BANP: variants seen among roughly 807,000 people sequenced by gnomAD.
The protein encoded by BANP is BTG3 associated nuclear protein.
A neutral mutation model predicts 68.1 loss-of-function variants in BANP; 11 were observed. The ratio of observed to expected loss-of-function variants is 0.16; its 90% CI spans 0.10 to 0.27. BANP has a LOEUF of 0.27. Ranked by LOEUF, BANP falls within the 10% of genes least tolerant of loss-of-function variation. BANP has a pLI of 1.00. For synonymous variants in BANP, 329 were observed against 303.2 expected, an observed-to-expected ratio of 1.09 and a Z score of -0.88; for missense variants, 504 against 722.7, an observed-to-expected ratio of 0.70 and a Z score of 3.47.
At chr16:87,988,099 A>G (rs921551092) in intron 4 of BANP, among the ~76,000 whole-genome samples, 1 of 152,172 alleles carries the variant, frequency 6.6e-6, no homozygotes, top group Non-Finnish European at 1.5e-5. Flanking sequence ...ATGTCAATGA[A>G]AAAAAGTATG....
intron 1 of BANP, among the ~76,000 whole-genome samples, chr16:87,954,159 G>T (rs1338898340): frequency 6.6e-6 from 1 of 152,090 alleles, no homozygotes; most frequent in South Asian, 2.1e-4. Context: ...TGGAGCCCTG[G>T]AGTTGCGTCT....
intron 7 of BANP, 28 bp from the exon 8 acceptor site, chr16:88,027,455 C>T (rs1292072671): frequency 1.9e-6 from 3 of 1,612,130 alleles, no homozygotes; most frequent in South Asian, 1.1e-5. Flanking sequence ...ACAGGCCTCA[C>T]CGCTTCTCCT....
intron 2 of BANP, 84 bp downstream of exon 2, chr16:87,975,269 T>G: frequency 2.1e-6 from 3 of 1,408,348 alleles, no homozygotes; most frequent in Middle Eastern, 3.6e-4. Flanking sequence ...TTTCTTTCCT[T>G]TAAGCAGAAG....
chr16:87,973,543 C>T (rs1472260159), intron 1 of BANP, among the ~76,000 whole-genome samples: 3 of 152,052 alleles, frequency 2.0e-5, no homozygotes, highest in African/African-American at 7.2e-5. Flanking sequence ...TGCGGATCAC[C>T]TGAGGTCGGG....
At position 88,036,777 on chromosome 16, in the gene BANP, G is replaced by C. The variant is rs1158683961; in HGVS notation, c.1273-1196G>C. On this transcript the variant is annotated intron_variant, in intron 10 of 13. Coordinates refer to ENST00000682872, the MANE Select transcript of BANP (RefSeq NM_001386991.1). This position sits in a 1 kb window ranked among gnomAD's most constrained non-coding sequence, Gnocchi z 4.2. ...GAAGCAGCAGGGCGGGGAGCAGGTAGGGGACGGTCCCAGGAGGCCAGAGTG... is the reference window on the plus strand; with the variant it reads ...GAAGCAGCAGGGCGGGGAGCAGGTACGGGACGGTCCCAGGAGGCCAGAGTG... 1.3e-5 allele frequency among the ~76,000 whole-genome samples: 2 copies of C among 152,194 alleles called. No individual in the cohort carries two copies. Among genetic ancestry groups the C allele is most frequent in the African/African-American group, 4.8e-5 (2 of 41,444 alleles).
intron 1 of BANP, among the ~76,000 whole-genome samples, chr16:87,971,956 T>G (rs2061207984): frequency 6.6e-6 from 1 of 152,100 alleles, no homozygotes; most frequent in Non-Finnish European, 1.5e-5. Flanking sequence ...CTGTACCCAG[T>G]TAATTTAAAA....
chr16:88,004,265 C>G lies in BANP; in HGVS notation c.363-30C>G. 7.3e-7 allele frequency: 1 copy of G among 1,362,692 alleles called. No homozygotes were observed. 84.4% of individuals were successfully genotyped at this position (1,362,692 alleles called of 1,614,324 possible). ...ATGAATGTTGTTGTTTTAAGGCCTT[C>G]TTTTTCTTTGTGATTCTTTTGTTCC... is the stretch of plus-strand genomic sequence containing the variant. On this transcript the variant is annotated intron_variant, in intron 4 of 13. Coordinates refer to ENST00000682872, the MANE Select transcript of BANP (RefSeq NM_001386991.1). This position sits in a 1 kb window ranked among gnomAD's most constrained non-coding sequence, Gnocchi z 7.0.
chr16:88,055,532 CTT>C (rs902868511), intron 11 of BANP, among the ~76,000 whole-genome samples: 16 of 152,150 alleles, frequency 1.1e-4, no homozygotes, highest in African/African-American at 2.9e-4. Context: ...GCTTCAGAAT[CTT>C]TTTCCATGAA....
chr16:88,061,130 A>G (rs1283127556), intron 11 of BANP, among the ~76,000 whole-genome samples: 1 of 152,074 alleles, frequency 6.6e-6, no homozygotes, highest in African/African-American at 2.4e-5. Flanking sequence ...GCTGTGCTTG[A>G]TTGAGGTTCA....
intron 12 of BANP, among the ~76,000 whole-genome samples, chr16:88,066,486 G>A (rs902449603): frequency 2.0e-5 from 3 of 152,194 alleles, no homozygotes; most frequent in African/African-American, 7.2e-5. Context: ...AAGGAACCCA[G>A]CTTCGACTCG....
chr16:87,985,910 CTG>C (rs2064297381), intron 4 of BANP, among the ~76,000 whole-genome samples: 1 of 152,208 alleles, frequency 6.6e-6, no homozygotes, highest in Non-Finnish European at 1.5e-5. Context: ...CATAGTAAGA[CTG>C]TGCAAAAATG....
At chr16:87,973,730 G>A (rs565110684) in intron 1 of BANP, among the ~76,000 whole-genome samples, 1 of 128,354 alleles carries the variant, frequency 7.8e-6, no homozygotes, top group Admixed American at 9.4e-5. Flanking sequence ...TCCAGCCTGG[G>A]CAACAGGAGC....
At position 88,071,979 on chromosome 16, in the gene BANP, G is replaced by T. The variant is rs1454740981; in HGVS notation, c.1378-90G>T. ...GCCGCTCAGGGGACAGCACGTGTGG[G>T]CTGGGGTCTGCGGTCTGTGGAGCCA... is the stretch of plus-strand genomic sequence containing the variant. On this transcript the variant is annotated intron_variant, in intron 12 of 13. Coordinates refer to ENST00000682872, the MANE Select transcript of BANP (RefSeq NM_001386991.1). This position sits in a 1 kb window ranked among gnomAD's most constrained non-coding sequence, Gnocchi z 6.5. 17 of 1,507,812 alleles carry T rather than the reference G, an allele frequency of 1.1e-5. No individual in the cohort carries two copies. Among genetic ancestry groups the T allele is most frequent in the Non-Finnish European group, 1.3e-5 (15 of 1,122,724 alleles). The allele number at this position is 1,507,812 out of a possible 1,614,324, so 93.4% of individuals were successfully genotyped here. A position where few individuals can be genotyped will look rare whatever the true frequency, so the allele number is the denominator to read the frequency against.
At chr16:88,034,596 C>T (rs376769959) in intron 9 of BANP, among the ~76,000 whole-genome samples, 104 of 24,714 alleles carry the variant, frequency 4.2e-3, no homozygotes, top group African/African-American at 0.013. Context: ...AGCTCCCCTG[C>T]TTCAGCCACA....
At chr16:87,993,857 TC>T (rs1445390359) in intron 4 of BANP, among the ~76,000 whole-genome samples, 2 of 152,182 alleles carry the variant, frequency 1.3e-5, no homozygotes, top group African/African-American at 2.4e-5. Flanking sequence ...TGCCTTGGCC[TC>T]CCAAAGTGCT....
At position 88,036,950 on chromosome 16, in the gene BANP, A is replaced by C. The variant is rs1402868168; in HGVS notation, c.1273-1023A>C. 6.6e-6 allele frequency among the ~76,000 whole-genome samples: 1 copy of C among 152,190 alleles called. No homozygotes were observed. The highest frequency in any genetic ancestry group is 2.4e-5 in the African/African-American group (1 of 41,444). ...GAGTGGCTGCGAGGTGCAGGATCCC[A>C]GCAGCACCTTCCAGTGCAGGAGCTG... On this transcript the variant is annotated intron_variant, in intron 10 of 13. Transcript: ENST00000682872. This position sits in a 1 kb window ranked among gnomAD's most constrained non-coding sequence, Gnocchi z 4.2.
At chr16:87,954,955 G>C (rs183184915) in intron 1 of BANP, among the ~76,000 whole-genome samples, 7 of 152,208 alleles carry the variant, frequency 4.6e-5, no homozygotes, top group Non-Finnish European at 1.0e-4. Flanking sequence ...CCAAGCCGCC[G>C]TTCCACAGCC....
At chr16:87,989,081 A>T (rs924047516) in intron 4 of BANP, among the ~76,000 whole-genome samples, 1 of 152,230 alleles carries the variant, frequency 6.6e-6, no homozygotes, top group African/African-American at 2.4e-5. Context: ...CCTGAATGAG[A>T]TTCTTTAAAT....
At chr16:88,073,691 G>T (rs553619239) in intron 13 of BANP, among the ~76,000 whole-genome samples, 3 of 152,200 alleles carry the variant, frequency 2.0e-5, no homozygotes, top group African/African-American at 7.2e-5. Context: ...CCCCCGTGCC[G>T]TTCCAGATAG....
Sources: gnomAD v4.1 joint callset for allele counts (sites outside exome capture counted in the v4.1 genomes callset) on GRCh38, gnomAD v4.1.1 for gene constraint, Gnocchi (gnomAD v3.1) non-coding constraint, MANE v1.5 for transcripts, NCBI Gene and HGNC (gene_info 2026-07-23, HGNC 2026-07-21) for gene names.